Variants in COBL observed in about 807,000 individuals in gnomAD.
The protein encoded by COBL is protein cordon-bleu.
COBL carries 51 observed loss-of-function variants against 98.8 expected under a neutral mutation model. The observed-to-expected ratio is 0.52, with a 90% confidence interval of 0.41 to 0.65. The LOEUF is 0.65. Among genes scored for constraint, COBL ranks in the 30% least tolerant of loss-of-function variants. The pLI is 0.00. For missense variants in COBL, 1,617 were observed against 1,617.5 expected (o/e 1.00, Z 0.01); for synonymous variants, 634 against 651.7 (o/e 0.97, Z 0.41).
intron 5 of COBL, among the ~76,000 whole-genome samples, chr7:51,143,581 C>T (rs1053534710): frequency 2.0e-5 from 3 of 152,234 alleles, no homozygotes; most frequent in Admixed American, 6.5e-5. Flanking sequence ...ATGAGAAACT[C>T]GGCTGTAGAT....
Position 51,031,115 on chromosome 7 carries a change from G to A in COBL, c.1407-206C>T, listed in dbSNP as rs1260079276. 5.2e-6 allele frequency: 3 copies of A among 578,714 alleles called. No homozygotes were observed. The Admixed American group carries it at 9.2e-5, about 18-fold the overall frequency. The allele number at this position is 578,714 out of a possible 1,614,324, so 35.8% of individuals were successfully genotyped here. On this transcript the variant is annotated intron_variant, in intron 8 of 12. Coordinates refer to ENST00000265136, the MANE Select transcript of COBL (RefSeq NM_015198.5). Reference sequence around the variant, plus strand: ...CCCATGTGTGTGCACAGGTATGTGTGGGATGCGTGTAGCGTGTGTGCATGT... The same window carrying A: ...CCCATGTGTGTGCACAGGTATGTGTAGGATGCGTGTAGCGTGTGTGCATGT...
intron 7 of COBL, among the ~76,000 whole-genome samples, chr7:51,059,157 T>C (rs1203292590): frequency 6.6e-6 from 1 of 152,272 alleles, no homozygotes; most frequent in Non-Finnish European, 1.5e-5. Flanking sequence ...GGGTAAATCA[T>C]CACATTACTT....
At chr7:51,196,140 T>C (rs1790568718) in intron 2 of COBL, among the ~76,000 whole-genome samples, 1 of 152,196 alleles carries the variant, frequency 6.6e-6, no homozygotes, top group African/African-American at 2.4e-5. Flanking sequence ...GAATTTGTCA[T>C]ATATGGCTCT....
chr7:51,066,085 C>T (rs1421485841), intron 7 of COBL, among the ~76,000 whole-genome samples: 1 of 152,224 alleles, frequency 6.6e-6, no homozygotes, highest in Non-Finnish European at 1.5e-5. Context: ...CATATCAGTG[C>T]ACTGTGTTGC....
Position 51,084,847 on chromosome 7 carries a change from C to T in COBL, c.1096+319G>A, listed in dbSNP as rs575790821. On this transcript the variant is annotated intron_variant, in intron 7 of 12. Coordinates refer to ENST00000265136, the MANE Select transcript of COBL (RefSeq NM_015198.5). ...CCACGATGTCACCCTAGGAACTTCTCCTTTTGCCATCAGAGACACACGTCG... is the reference window on the plus strand; with the variant it reads ...CCACGATGTCACCCTAGGAACTTCTTCTTTTGCCATCAGAGACACACGTCG... Among the ~76,000 whole-genome samples, 82 of 152,232 alleles carry T rather than the reference C, an allele frequency of 5.4e-4. 1 individual carries two copies. Among genetic ancestry groups the T allele is most frequent in the African/African-American group, 1.8e-3 (76 of 41,546 alleles).
intron 4 of COBL, among the ~76,000 whole-genome samples, 153 bp downstream of exon 4, chr7:51,190,697 T>C (rs1359804018): frequency 6.6e-6 from 1 of 152,132 alleles, no homozygotes; most frequent in East Asian, 1.9e-4. Flanking sequence ...CCAGATTTCT[T>C]TTTTGCCTAC....
At chr7:51,124,390 A>C (rs1453861567) in intron 6 of COBL, among the ~76,000 whole-genome samples, 4 of 152,172 alleles carry the variant, frequency 2.6e-5, no homozygotes, top group Admixed American at 2.6e-4. Context: ...AGCAGAGATG[A>C]ATAACTTCTG....
chr7:51,193,000 A>G (rs1790259283), intron 3 of COBL, among the ~76,000 whole-genome samples: 1 of 152,222 alleles, frequency 6.6e-6, no homozygotes, highest in East Asian at 1.9e-4. Context: ...CTACATGAAT[A>G]TTTTAGATAT....
chr7:51,127,186 C>T (rs896848312), intron 6 of COBL, among the ~76,000 whole-genome samples: 4 of 152,118 alleles, frequency 2.6e-5, no homozygotes, highest in Admixed American at 6.5e-5. Context: ...AGGAGTACTA[C>T]GAGATGAGTG....
At chr7:51,302,277 T>C (rs902068300) in intron 1 of COBL, among the ~76,000 whole-genome samples, 3 of 152,196 alleles carry the variant, frequency 2.0e-5, no homozygotes, top group African/African-American at 7.2e-5. Context: ...CATTAATTTT[T>C]TTCCTAAAGA....
At chr7:51,191,306 A>C (rs986092904) in intron 3 of COBL, among the ~76,000 whole-genome samples, 1 of 152,200 alleles carries the variant, frequency 6.6e-6, no homozygotes, top group Non-Finnish European at 1.5e-5. Context: ...GCTGCTAACA[A>C]CACAGCGAAA....
At chr7:51,154,239 A>T (rs1785867812) in intron 5 of COBL, among the ~76,000 whole-genome samples, 1 of 152,246 alleles carries the variant, frequency 6.6e-6, no homozygotes, top group Non-Finnish European at 1.5e-5. Context: ...AAGCCAGAGG[A>T]AAAACCATGA....
intron 1 of COBL, among the ~76,000 whole-genome samples, chr7:51,243,716 A>G (rs1430626264): frequency 6.6e-6 from 1 of 152,204 alleles, no homozygotes; most frequent in East Asian, 1.9e-4. Context: ...TAGCAATGGA[A>G]AACAGACTAG....
At chr7:51,191,633 G>A (rs529709553) in intron 3 of COBL, among the ~76,000 whole-genome samples, 81 of 151,480 alleles carry the variant, frequency 5.3e-4, no homozygotes, top group Middle Eastern at 3.4e-3. Context: ...AGACCTACAT[G>A]TATTTATGTA....
Position 51,131,166 on chromosome 7 carries a change from T to C in COBL, c.957+4992A>G, listed in dbSNP as rs193107131. On this transcript the variant is annotated intron_variant, in intron 6 of 12. Coordinates refer to ENST00000265136, the MANE Select transcript of COBL (RefSeq NM_015198.5). ...TCACAGAGAAACAGACTTCTCAAGT[T>C]GGAATTTTATAGTGTTGAACATAAT... Among the ~76,000 whole-genome samples, 381 of 152,324 alleles carry C rather than the reference T, an allele frequency of 2.5e-3. 1 individual carries two copies. Among genetic ancestry groups the C allele is most frequent in the Non-Finnish European group, 3.5e-3 (240 of 68,028 alleles).
chr7:51,189,087 A>C (rs977302934), intron 4 of COBL, among the ~76,000 whole-genome samples: 5 of 152,222 alleles, frequency 3.3e-5, no homozygotes, highest in Non-Finnish European at 7.3e-5. Context: ...CAATACTGAG[A>C]CTATTTCTGT....
intron 1 of COBL, among the ~76,000 whole-genome samples, chr7:51,249,494 A>C (rs915399623): frequency 2.0e-5 from 3 of 152,240 alleles, no homozygotes; most frequent in Non-Finnish European, 4.4e-5. Flanking sequence ...AAGATAGATT[A>C]GACAAGGAAA....
chr7:51,026,920 C>A (rs73118404), intron 10 of COBL, among the ~76,000 whole-genome samples: 1 of 152,134 alleles, frequency 6.6e-6, no homozygotes, highest in Non-Finnish European at 1.5e-5. Context: ...GAAAGAAAAT[C>A]CACTCATGTC....
intron 5 of COBL, among the ~76,000 whole-genome samples, chr7:51,159,463 C>T (rs1264768431): frequency 1.3e-5 from 2 of 152,228 alleles, no homozygotes; most frequent in Non-Finnish European, 2.9e-5. Flanking sequence ...AGCTCTGCTT[C>T]TCACCTTCTC....
Sources: gnomAD v4.1 joint callset for allele counts (sites outside exome capture counted in the v4.1 genomes callset) on GRCh38, gnomAD v4.1.1 for gene constraint, MANE v1.5 for transcripts, NCBI Gene and HGNC (gene_info 2026-07-23, HGNC 2026-07-21) for gene names.